The following RAB22A variants were observed in gnomAD, a reference collection of about 807,000 sequenced individuals.
RAB22A encodes ras-related protein Rab-22A.
A neutral mutation model predicts 30.2 loss-of-function variants in RAB22A; 13 were observed. The ratio of observed to expected loss-of-function variants is 0.43; its 90% CI spans 0.28 to 0.68. RAB22A has a LOEUF of 0.68. Ranked by LOEUF, RAB22A falls within the 30% of genes least tolerant of loss-of-function variation. The pLI, the probability that RAB22A is intolerant of heterozygous loss-of-function variation, is 0.18. For missense variants in RAB22A, 177 were observed against 246.8 expected (o/e 0.72, Z 1.89); for synonymous variants, 89 against 87.2 (o/e 1.02, Z -0.11).
chr20:58,333,371 A>G (rs1986694610), intron 2 of RAB22A, among the ~76,000 whole-genome samples: 1 of 152,164 alleles, frequency 6.6e-6, no homozygotes, highest in Non-Finnish European at 1.5e-5. Flanking sequence ...ACTAATCTGT[A>G]TCCAGCAAAA....
intron 2 of RAB22A, among the ~76,000 whole-genome samples, chr20:58,320,996 C>T (rs1013092153): frequency 3.3e-5 from 5 of 151,966 alleles, no homozygotes; most frequent in Admixed American, 6.6e-5. Flanking sequence ...TCGAGACCAT[C>T]CTGGCCAACA....
At position 58,309,794 on chromosome 20, in the gene RAB22A, G is replaced by A. The variant is rs1240645132; in HGVS notation, c.-183G>A. On this transcript the variant is annotated 5_prime_UTR_variant, in exon 1 of 7. Coordinates refer to ENST00000244040, the MANE Select transcript of RAB22A (RefSeq NM_020673.3). ...CGGCGGCGTCCCGGCTGCTAAGGCG[G>A]GCCCCACGCGGCTGGCAGCGGACAG... 4.5e-6 allele frequency: 2 copies of A among 442,858 alleles called. No individual in the cohort carries two copies. Among genetic ancestry groups the A allele is most frequent in the Non-Finnish European group, 7.2e-6 (2 of 278,718 alleles). The allele number at this position is 442,858 out of a possible 1,614,324, so 27.4% of individuals were successfully genotyped here.
rs572292827 is a variant in RAB22A, at chr20:58,313,458, G to C, written c.116+2336G>C. The stretch of plus-strand genomic sequence containing the variant: ...GTTTCTTCCTCAGCCCTATCATCTT[G>C]TCATAGCCTGCACACAGGTTCCGAA... On this transcript the variant is annotated intron_variant, in intron 2 of 6. Coordinates refer to ENST00000244040, the MANE Select transcript of RAB22A (RefSeq NM_020673.3). Among the ~76,000 whole-genome samples, 3 of 152,002 alleles carry C rather than the reference G, an allele frequency of 2.0e-5. No homozygotes were observed. The East Asian group carries it at 5.8e-4, about 29-fold the overall frequency.
At position 58,317,748 on chromosome 20, in the gene RAB22A, C is replaced by T. The variant is rs1276686771; in HGVS notation, c.116+6626C>T. The stretch of plus-strand genomic sequence containing the variant: ...TAATTTTTTGTATTTTTAGTAGAGA[C>T]GGGGTTTCACCATGGTCTTGATCTC... On this transcript the variant is annotated intron_variant, in intron 2 of 6. Transcript: ENST00000244040. Among the ~76,000 whole-genome samples, 8 of 151,606 alleles carry T rather than the reference C, an allele frequency of 5.3e-5. 1 individual carries two copies. The South Asian group carries it at 8.3e-4, about 16-fold the overall frequency.
chr20:58,317,553 A>G (rs1048782533), intron 2 of RAB22A, among the ~76,000 whole-genome samples: 3 of 143,516 alleles, frequency 2.1e-5, no homozygotes, highest in African/African-American at 7.7e-5. Context: ...GGTAGTTATT[A>G]TTCTTTTTTT....
Position 58,367,492 on chromosome 20 carries a change from T to C in RAB22A, c.*7789T>C, listed in dbSNP as rs1987339813. 6.5e-6 allele frequency: 1 copy of C among 152,682 alleles called. No homozygotes were observed. 9.5% of individuals were successfully genotyped at this position (152,682 alleles called of 1,614,324 possible). A position where few individuals can be genotyped will look rare whatever the true frequency, so the allele number is the denominator to read the frequency against. On this transcript the variant is annotated 3_prime_UTR_variant, in exon 7 of 7. Coordinates refer to ENST00000244040, the MANE Select transcript of RAB22A (RefSeq NM_020673.3). ...TGTAAACATTTTGTTAATAAAATGCTATGTTTACAAATATATATTTGCCTC... is the reference window on the plus strand; with the variant it reads ...TGTAAACATTTTGTTAATAAAATGCCATGTTTACAAATATATATTTGCCTC...
At chr20:58,355,859 G>A (rs1292850345) in intron 6 of RAB22A, among the ~76,000 whole-genome samples, 3 of 152,128 alleles carry the variant, frequency 2.0e-5, no homozygotes, top group Non-Finnish European at 4.4e-5. Context: ...TTGTTGTCCT[G>A]GATGTAAATA....
intron 2 of RAB22A, among the ~76,000 whole-genome samples, chr20:58,327,131 A>C (rs924730306): frequency 2.6e-5 from 4 of 152,246 alleles, no homozygotes; most frequent in African/African-American, 9.6e-5. Flanking sequence ...TGTCTCCAAA[A>C]AAACAAAAAA....
intron 3 of RAB22A, among the ~76,000 whole-genome samples, chr20:58,351,819 T>C (rs1987055692): frequency 6.6e-6 from 1 of 152,168 alleles, no homozygotes; most frequent in Admixed American, 6.6e-5. Flanking sequence ...GTCTCAATGG[T>C]AGACCTAAAT....
intron 2 of RAB22A, among the ~76,000 whole-genome samples, chr20:58,339,590 A>G (rs1280814162): frequency 6.6e-6 from 1 of 152,158 alleles, no homozygotes; most frequent in African/African-American, 2.4e-5. Flanking sequence ...TAAATATAAA[A>G]TGAAGAACCA....
intron 2 of RAB22A, among the ~76,000 whole-genome samples, chr20:58,327,902 A>G (rs919097545): frequency 2.6e-5 from 4 of 152,202 alleles, no homozygotes; most frequent in African/African-American, 7.2e-5. Context: ...AGGAAACTAT[A>G]AAGAGTCATA....
chr20:58,314,679 A>C (rs928516128), intron 2 of RAB22A, among the ~76,000 whole-genome samples: 1 of 152,018 alleles, frequency 6.6e-6, no homozygotes, highest in Non-Finnish European at 1.5e-5. Context: ...CGTCTCTACT[A>C]AAAATACAAA....
rs115336188 is a variant in RAB22A, at chr20:58,356,986, C to T, written c.488-2620C>T. On this transcript the variant is annotated intron_variant, in intron 6 of 6. Transcript: ENST00000244040. Reference sequence around the variant, plus strand: ...ACAGTACTGCTCTAAACATTCTGATCGTATTCTTTGGTGAACATCTGTACA... The same window carrying T: ...ACAGTACTGCTCTAAACATTCTGATTGTATTCTTTGGTGAACATCTGTACA... Among the ~76,000 whole-genome samples, 1,418 of 152,240 alleles carry T rather than the reference C, an allele frequency of 9.3e-3. 23 individuals carry two copies. The highest frequency in any genetic ancestry group is 0.031 in the Middle Eastern group (9 of 294).
chr20:58,353,879 C>G (rs1311734992), intron 5 of RAB22A, among the ~76,000 whole-genome samples: 1 of 152,200 alleles, frequency 6.6e-6, no homozygotes, highest in Non-Finnish European at 1.5e-5. Flanking sequence ...TTCCATCATT[C>G]CCAAAGCAAG....
intron 3 of RAB22A, among the ~76,000 whole-genome samples, chr20:58,351,194 G>A (rs970669955): frequency 9.9e-5 from 15 of 152,062 alleles, no homozygotes; most frequent in Middle Eastern, 3.4e-3. Context: ...AAAGTTAGCC[G>A]GGCATGGTGG....
chr20:58,343,024 C>T (rs990536741), intron 2 of RAB22A, among the ~76,000 whole-genome samples: 1 of 152,210 alleles, frequency 6.6e-6, no homozygotes, highest in Non-Finnish European at 1.5e-5. Context: ...GGCAGAGTAG[C>T]TCCCTGAAAG....
intron 2 of RAB22A, among the ~76,000 whole-genome samples, chr20:58,340,645 C>A (rs978786384): frequency 2.0e-5 from 3 of 152,052 alleles, no homozygotes; most frequent in Non-Finnish European, 4.4e-5. Flanking sequence ...CAGCGAGGCC[C>A]CTACACTCAA....
chr20:58,356,181 C>T (rs1987126998), intron 6 of RAB22A, among the ~76,000 whole-genome samples: 2 of 152,006 alleles, frequency 1.3e-5, no homozygotes, highest in South Asian at 4.2e-4. Flanking sequence ...CGTGGTGGTG[C>T]ATGCCTGTAA....
rs1374101502 is a variant in RAB22A, at chr20:58,363,762, G to C, written c.*4059G>C. The C allele has an allele frequency of 1.3e-5, 2 of 152,214 alleles. No homozygotes were observed. Among genetic ancestry groups the C allele is most frequent in the East Asian group, 3.9e-4 (2 of 5,186 alleles). 9.4% of individuals were successfully genotyped at this position (152,214 alleles called of 1,614,324 possible). A position where few individuals can be genotyped will look rare whatever the true frequency, so the allele number is the denominator to read the frequency against. On this transcript the variant is annotated 3_prime_UTR_variant, in exon 7 of 7. Transcript: ENST00000244040. The stretch of plus-strand genomic sequence containing the variant: ...TGTATACCTGCCTCTAGTTAGCTTG[G>C]TTTATCAAAAGGATTTTTAAATGAT...
Sources: gnomAD v4.1 joint callset for allele counts (sites outside exome capture counted in the v4.1 genomes callset) on GRCh38, gnomAD v4.1.1 for gene constraint, MANE v1.5 for transcripts, NCBI Gene and HGNC (gene_info 2026-07-23, HGNC 2026-07-21) for gene names.